GCNT1: variants seen among roughly 807,000 people sequenced by gnomAD.
GCNT1 encodes glucosaminyl (N-acetyl) transferase 1.
In GCNT1, 16 loss-of-function variants were observed where a neutral mutation model predicts 26.2. That is an observed-to-expected ratio of 0.61 (90% CI 0.41 to 0.93). The LOEUF is 0.93. Ranked by LOEUF, GCNT1 falls within the 40% of genes least tolerant of loss-of-function variation. The pLI is 0.00. For missense variants in GCNT1, 477 were observed against 526.7 expected (o/e 0.91, Z 0.92); for synonymous variants, 183 against 190.8 (o/e 0.96, Z 0.34).
At position 76,506,840 on chromosome 9, in the gene GCNT1, G is replaced by A. The variant is rs76968314; in HGVS notation, c.*3172G>A. The A allele has an allele frequency of 2.3e-4, 39 of 167,012 alleles. No individual in the cohort carries two copies. The East Asian group carries it at 6.0e-3, about 26-fold the overall frequency. 10.3% of individuals were successfully genotyped at this position (167,012 alleles called of 1,614,324 possible). A position where few individuals can be genotyped will look rare whatever the true frequency, so the allele number is the denominator to read the frequency against. ...AGTGATTTGGGTAGGAAGAGGCCAT[G>A]TTTCAGTTCGTTTTCTCTGTAGGGT... On this transcript the variant is annotated 3_prime_UTR_variant, in exon 4 of 4. Transcript: ENST00000376730.
At chr9:76,497,512 T>G (rs1224640515) in intron 2 of GCNT1, among the ~76,000 whole-genome samples, 1 of 152,258 alleles carries the variant, frequency 6.6e-6, no homozygotes, top group Non-Finnish European at 1.5e-5. Context: ...ATATTTAGCT[T>G]CTTTATAGAC....
At chr9:76,482,873 A>G (rs1202354473) in intron 2 of GCNT1, among the ~76,000 whole-genome samples, 1 of 145,764 alleles carries the variant, frequency 6.9e-6, no homozygotes, top group East Asian at 2.1e-4. Flanking sequence ...GCTGGTCTCA[A>G]ACTCCTGGAC....
chr9:76,491,868 T>C (rs563603402), intron 2 of GCNT1, among the ~76,000 whole-genome samples: 1 of 152,316 alleles, frequency 6.6e-6, no homozygotes, highest in African/African-American at 2.4e-5. Context: ...GGTATCTAAG[T>C]AGGCAGTTGT....
At chr9:76,470,432 C>G (rs1306315368) in intron 2 of GCNT1, among the ~76,000 whole-genome samples, 1 of 151,842 alleles carries the variant, frequency 6.6e-6, no homozygotes, top group East Asian at 1.9e-4. Flanking sequence ...GGTAAAACCC[C>G]ATCTCTACAT....
chr9:76,482,359 T>C (rs1489343793), intron 2 of GCNT1, among the ~76,000 whole-genome samples: 1 of 150,648 alleles, frequency 6.6e-6, no homozygotes, highest in African/African-American at 2.4e-5. Flanking sequence ...GGTGGCTCCA[T>C]GCCTGTGATC....
Position 76,504,975 on chromosome 9 carries a change from A to G in GCNT1, c.*1307A>G, listed in dbSNP as rs1470719047. ...GATTTTTACTCTCTCCATCTTCACC[A>G]TAAGACAGATAATTTGGGGTTGCTA... On this transcript the variant is annotated 3_prime_UTR_variant, in exon 4 of 4. Transcript: ENST00000376730. The G allele has an allele frequency of 2.4e-6, 1 of 413,322 alleles. No individual in the cohort carries two copies. 25.6% of individuals were successfully genotyped at this position (413,322 alleles called of 1,614,324 possible).
At chr9:76,449,962 A>T (rs1823638096) in intron 1 of GCNT1, among the ~76,000 whole-genome samples, 1 of 151,940 alleles carries the variant, frequency 6.6e-6, no homozygotes, top group Non-Finnish European at 1.5e-5. Flanking sequence ...TTGTAGAGAC[A>T]GGTTTTCGCC....
intron 2 of GCNT1, among the ~76,000 whole-genome samples, chr9:76,476,302 A>G (rs1824250275): frequency 1.3e-5 from 2 of 152,210 alleles, no homozygotes; most frequent in Non-Finnish European, 2.9e-5. Flanking sequence ...CCTCAGGGCC[A>G]AAAACCCAGG....
At chr9:76,457,646 T>A (rs1366970347), upstream of GCNT1, among the ~76,000 whole-genome samples, 2 of 152,248 alleles carry the variant, frequency 1.3e-5, no homozygotes, top group Non-Finnish European at 2.9e-5. Flanking sequence ...CTTAATTTAA[T>A]ATGTTCGAAA....
the GCNT1 span, chr9:76,398,891 A>G: frequency 4.6e-6 from 7 of 1,532,452 alleles, no homozygotes; most frequent in African/African-American, 1.4e-5. Flanking sequence ...AGCTAGTGCT[A>G]TTGTTGCCAT....
At chr9:76,421,592 C>T (rs1249451067) in intron 1 of GCNT1, among the ~76,000 whole-genome samples, 33 of 113,936 alleles carry the variant, frequency 2.9e-4, no homozygotes, top group African/African-American at 1.1e-3. Context: ...GAGAGCAAGG[C>T]CCTGTCTCAA....
chr9:76,492,845 G>A (rs1342558093), intron 2 of GCNT1, among the ~76,000 whole-genome samples: 1 of 151,910 alleles, frequency 6.6e-6, no homozygotes, highest in African/African-American at 2.4e-5. Context: ...GCCTTTCTCT[G>A]ATCCCGCTTT....
chr9:76,393,878 G>C, the GCNT1 span: 1 of 550,764 alleles, frequency 1.8e-6, no homozygotes, highest in East Asian at 3.2e-5. Context: ...CCTCAACCCC[G>C]TCCCCGCGGA....
rs569288833 is a variant in GCNT1, at chr9:76,481,399, A to AT, written c.-289-19509dup. On this transcript the variant is annotated intron_variant, in intron 2 of 3. Coordinates refer to ENST00000376730, the MANE Select transcript of GCNT1 (RefSeq NM_001490.5). ...ACATTTGTAAACTTTAATACATGAG[A>AT]TTTTTTTTGTGATTTTTTTTTTTTT... is the stretch of plus-strand genomic sequence containing the variant. 4.5e-4 allele frequency among the ~76,000 whole-genome samples: 65 copies of AT among 143,864 alleles called. 1 individual carries two copies. The East Asian group carries it at 0.012, about 28-fold the overall frequency. 94.4% of individuals were successfully genotyped at this position (143,864 alleles called of 152,430 possible). A position where few individuals can be genotyped will look rare whatever the true frequency, so the allele number is the denominator to read the frequency against.
At chr9:76,479,538 T>C (rs889820944) in intron 2 of GCNT1, among the ~76,000 whole-genome samples, 1 of 152,222 alleles carries the variant, frequency 6.6e-6, no homozygotes, top group African/African-American at 2.4e-5. Flanking sequence ...ACCTGACTTT[T>C]TAATGATTGC....
the GCNT1 span, chr9:76,399,733 T>A: frequency 5.0e-6 from 3 of 598,544 alleles, no homozygotes; most frequent in Admixed American, 9.0e-5. Flanking sequence ...AATGGATGAA[T>A]GGATGTTTTA....
chr9:76,503,391 C>G lies in GCNT1; in HGVS notation c.1010C>G (p.Pro337Arg), dbSNP rs559928168. 3 of 1,614,168 alleles carry G rather than the reference C, an allele frequency of 1.9e-6. No individual in the cohort carries two copies. Among genetic ancestry groups the G allele is most frequent in the African/African-American group, 2.7e-5 (2 of 75,040 alleles). The change falls in exon 4 of 4, where the codon CCT (proline) becomes CGT (arginine). Residue 337 changes from proline to arginine, a missense_variant. Physicochemically the swap from Pro to Arg is moderately radical, Grantham distance 103 (BLOSUM62 -2). Coordinates refer to ENST00000376730, the MANE Select transcript of GCNT1 (RefSeq NM_001490.5). ...ATTCCTGAAGTCCCGGGCTCACTCCCTGCCAGCCATAAGTATGATCTGTCT... is the reference window on the plus strand; with the variant it reads ...ATTCCTGAAGTCCCGGGCTCACTCCGTGCCAGCCATAAGTATGATCTGTCT... ...QRIPEVPGSL[P>R]ASHKYDLSDM...
intron 1 of GCNT1, among the ~76,000 whole-genome samples, chr9:76,431,530 T>C (rs1823336545): frequency 6.6e-6 from 1 of 152,206 alleles, no homozygotes; most frequent in Non-Finnish European, 1.5e-5. Context: ...ATCACCCTCC[T>C]AGCACATCAA....
At chr9:76,473,745 G>A (rs546541531) in intron 2 of GCNT1, among the ~76,000 whole-genome samples, 22 of 152,186 alleles carry the variant, frequency 1.4e-4, no homozygotes, top group Non-Finnish European at 2.2e-4. Flanking sequence ...GGGGCAGTCC[G>A]GTTGGAGAGC....
Sources: gnomAD v4.1 joint callset for allele counts (sites outside exome capture counted in the v4.1 genomes callset) on GRCh38, gnomAD v4.1.1 for gene constraint, MANE v1.5 for transcripts, NCBI Gene and HGNC (gene_info 2026-07-23, HGNC 2026-07-21) for gene names.